FAM83B: variants seen among roughly 807,000 people sequenced by gnomAD.
FAM83B encodes the protein protein FAM83B.
In FAM83B, 26 loss-of-function variants were observed where a neutral mutation model predicts 38.8. That is an observed-to-expected ratio of 0.67 (90% CI 0.49 to 0.93). The LOEUF is 0.93. FAM83B is among the 40% of genes least tolerant of loss of function. The probability of loss-of-function intolerance (pLI) is 0.00; values close to 1 mark genes in which losing one functional copy is unlikely to be tolerated. For missense variants in FAM83B, 1,237 were observed against 1,197.3 expected (o/e 1.03, Z -0.49); for synonymous variants, 419 against 423.1 (o/e 0.99, Z 0.12).
chr6:54,875,258 G>T (rs1015405062), intron 2 of FAM83B, among the ~76,000 whole-genome samples: 1 of 152,148 alleles, frequency 6.6e-6, no homozygotes, highest in Non-Finnish European at 1.5e-5. Context: ...TGATAGAAAT[G>T]ATTTTTATTG....
intron 2 of FAM83B, among the ~76,000 whole-genome samples, chr6:54,891,035 C>A (rs183651634): frequency 7.2e-4 from 110 of 152,148 alleles, no homozygotes; most frequent in African/African-American, 2.6e-3. Context: ...TTTATGGTTA[C>A]TTCTCCTCTG....
At chr6:54,906,487 C>T (rs1286722369) in intron 2 of FAM83B, among the ~76,000 whole-genome samples, 4 of 152,182 alleles carry the variant, frequency 2.6e-5, no homozygotes, top group Admixed American at 6.5e-5. Context: ...TGAGTTCAAG[C>T]GATTCTCCTG....
intron 4 of FAM83B, among the ~76,000 whole-genome samples, chr6:54,932,510 A>G (rs1211695928): frequency 6.6e-6 from 1 of 152,170 alleles, no homozygotes; most frequent in African/African-American, 2.4e-5. Context: ...TCTATGAACC[A>G]CATCTGCAAT....
At chr6:54,936,714 C>T (rs532552085) in intron 4 of FAM83B, among the ~76,000 whole-genome samples, 442 of 151,002 alleles carry the variant, frequency 2.9e-3, no homozygotes, top group Non-Finnish European at 4.9e-3. Context: ...AAATTGTCTT[C>T]CCACATCTTT....
At position 54,939,942 on chromosome 6, in the gene FAM83B, G is replaced by A; in HGVS notation, c.971G>A (p.Gly324Asp). ...ASVSSQRNLF[G>D]RQDKIHKLDS... ...GTTTCCAGCCAGAGAAACCTTTTTG[G>A]TAGACAAGACAAGATTCATAAACTA... The change falls in exon 5 of 5, where the codon GGT becomes GAT. Residue 324 changes from glycine to aspartate, a missense_variant. By Grantham distance (94) the Gly-to-Asp change is moderately conservative. Coordinates refer to ENST00000306858, the MANE Select transcript of FAM83B (RefSeq NM_001010872.3). The A allele has an allele frequency of 6.2e-7, 1 of 1,613,940 alleles. No individual in the cohort carries two copies. The highest frequency in any genetic ancestry group is 8.5e-7 in the Non-Finnish European group (1 of 1,179,966).
At chr6:54,874,309 G>C (rs935400531) in intron 2 of FAM83B, among the ~76,000 whole-genome samples, 8 of 151,906 alleles carry the variant, frequency 5.3e-5, no homozygotes, top group African/African-American at 1.9e-4. Context: ...TATTTTGTTT[G>C]AGAACTTTCC....
At chr6:54,924,820 C>T (rs936534364) in intron 2 of FAM83B, among the ~76,000 whole-genome samples, 4 of 152,078 alleles carry the variant, frequency 2.6e-5, no homozygotes, top group African/African-American at 9.7e-5. Context: ...CACACCGTCA[C>T]CTCTCACTTC....
At chr6:54,907,481 ATTC>A (rs746079418) in intron 2 of FAM83B, among the ~76,000 whole-genome samples, 1 of 152,082 alleles carries the variant, frequency 6.6e-6, no homozygotes, top group Non-Finnish European at 1.5e-5. Flanking sequence ...TCAGTTCTTT[ATTC>A]TCTTTGCTCT....
intron 1 of FAM83B, among the ~76,000 whole-genome samples, chr6:54,848,241 A>G (rs975962787): frequency 2.6e-5 from 4 of 152,186 alleles, no homozygotes; most frequent in Admixed American, 2.0e-4. Flanking sequence ...CCAGAAAAGT[A>G]GAAGTCCCCA....
intron 2 of FAM83B, among the ~76,000 whole-genome samples, chr6:54,921,958 A>G (rs1450008409): frequency 6.6e-6 from 1 of 152,046 alleles, no homozygotes; most frequent in Non-Finnish European, 1.5e-5. Context: ...ATTTCATGTA[A>G]TTTTTCCACA....
At chr6:54,866,895 A>G (rs1771719942) in intron 1 of FAM83B, among the ~76,000 whole-genome samples, 1 of 152,056 alleles carries the variant, frequency 6.6e-6, no homozygotes, top group Non-Finnish European at 1.5e-5. Flanking sequence ...GACTTATTTT[A>G]TATCCTTTGT....
intron 3 of FAM83B, among the ~76,000 whole-genome samples, chr6:54,926,838 TCTC>T (rs1773298275): frequency 6.6e-6 from 1 of 151,996 alleles, no homozygotes; most frequent in South Asian, 2.1e-4. Context: ...GTCAAGCAAT[TCTC>T]CTGCCTCAGC....
Position 54,941,452 on chromosome 6 carries a change from T to C in FAM83B, c.2481T>C (p.Ser827=), listed in dbSNP as rs1226439556. ...PKKSDTKVDS[S]PRRKHSSSSN... ...AATCAGACACAAAAGTTGATTCATC[T>C]CCTAGAAGAAAGCATTCTTCCTCAT... The change falls in exon 5 of 5, where the codon TCT becomes TCC. Residue 827 remains serine, a synonymous_variant. Transcript: ENST00000306858. 3.1e-6 allele frequency: 5 copies of C among 1,612,982 alleles called. No homozygotes were observed. In the Admixed American group the frequency reaches 8.4e-5, roughly 27 times the overall value.
intron 2 of FAM83B, among the ~76,000 whole-genome samples, chr6:54,890,069 G>T (rs967112562): frequency 4.0e-5 from 6 of 151,884 alleles, no homozygotes; most frequent in Admixed American, 3.9e-4. Flanking sequence ...CCAAATACAA[G>T]AATTTTATTG....
intron 2 of FAM83B, among the ~76,000 whole-genome samples, chr6:54,911,663 T>A (rs1772911296): frequency 6.6e-6 from 1 of 152,088 alleles, no homozygotes; most frequent in Non-Finnish European, 1.5e-5. Context: ...TTTAATAATT[T>A]GGATAATTTT....
chr6:54,879,435 A>G (rs746981728), intron 2 of FAM83B, among the ~76,000 whole-genome samples: 1 of 152,166 alleles, frequency 6.6e-6, no homozygotes, highest in Non-Finnish European at 1.5e-5. Context: ...TTTACAGGCA[A>G]TTATTTCGCA....
intron 1 of FAM83B, among the ~76,000 whole-genome samples, chr6:54,862,256 C>A (rs983274236): frequency 1.3e-5 from 2 of 152,144 alleles, no homozygotes; most frequent in African/African-American, 4.8e-5. Flanking sequence ...TTTTGAGAGG[C>A]TATAGATCTA....
chr6:54,866,296 T>C (rs193047943), intron 1 of FAM83B, among the ~76,000 whole-genome samples: 2 of 152,160 alleles, frequency 1.3e-5, no homozygotes, highest in African/African-American at 2.4e-5. Context: ...GTTTCACATA[T>C]AGTTAAGGGC....
intron 1 of FAM83B, among the ~76,000 whole-genome samples, chr6:54,849,560 T>G (rs926018952): frequency 6.6e-6 from 1 of 151,844 alleles, no homozygotes; most frequent in East Asian, 1.9e-4. Flanking sequence ...GGGGCTGTGA[T>G]GCTGTAAGGA....
Sources: gnomAD v4.1 joint callset for allele counts (sites outside exome capture counted in the v4.1 genomes callset) on GRCh38, gnomAD v4.1.1 for gene constraint, MANE v1.5 for transcripts, NCBI Gene and HGNC (gene_info 2026-07-23, HGNC 2026-07-21) for gene names.